Variants in ANXA8 observed in about 807,000 individuals in gnomAD.
ANXA8 encodes the protein annexin A8.
A neutral mutation model predicts 26.8 loss-of-function variants in ANXA8; 9 were observed. The observed-to-expected ratio is 0.34, with a 90% CI of 0.20 to 0.59. ANXA8 has a LOEUF of 0.59. Among genes scored for constraint, ANXA8 ranks in the 20% least tolerant of loss-of-function variants. The pLI is 0.84. For synonymous variants in ANXA8, 39 were observed against 94.8 expected, an observed-to-expected ratio of 0.41 and a Z score of 3.42; for missense variants, 83 against 238.5, an observed-to-expected ratio of 0.35 and a Z score of 4.29.
the ANXA8 span, among the ~76,000 whole-genome samples, chr10:47,743,339 T>TAC: frequency 0.055 from 3,181 of 58,040 alleles, 327 homozygotes; most frequent in African/African-American, 0.13. Flanking sequence ...CATATATATA[T>TAC]ACATATATAT....
the ANXA8 span, chr10:47,563,612 T>TA: frequency 2.3e-6 from 2 of 881,558 alleles, no homozygotes; most frequent in Non-Finnish European, 3.9e-6. Context: ...AGGTATCCGT[T>TA]ATAGCACTGA....
At chr10:47,928,750 C>CTT in the ANXA8 span, among the ~76,000 whole-genome samples, 1,737 of 102,348 alleles carry the variant, frequency 0.017, 6 homozygotes, top group African/African-American at 0.059. Flanking sequence ...CTCTCTCTCT[C>CTT]TTTTTTTTTT....
At chr10:47,701,840 A>T in the ANXA8 span, among the ~76,000 whole-genome samples, 4 of 151,902 alleles carry the variant, frequency 2.6e-5, no homozygotes, top group African/African-American at 9.7e-5. Context: ...AATGAACCCA[A>T]TATTGTTACA....
the ANXA8 span, among the ~76,000 whole-genome samples, chr10:47,492,195 G>A: frequency 6.6e-6 from 1 of 151,200 alleles, no homozygotes; most frequent in Non-Finnish European, 1.5e-5. Context: ...CCCCATTCCT[G>A]GAGACCCTGG....
the ANXA8 span, among the ~76,000 whole-genome samples, chr10:47,982,472 A>T: frequency 6.8e-6 from 1 of 147,184 alleles, no homozygotes; most frequent in Non-Finnish European, 1.5e-5. Context: ...CAAGAGGATT[A>T]AAAAAAAGCC....
chr10:47,699,227 G>A, the ANXA8 span, among the ~76,000 whole-genome samples: 1 of 148,400 alleles, frequency 6.7e-6, no homozygotes. Flanking sequence ...GCATGCCTGT[G>A]GTCCCAGCTA....
the ANXA8 span, among the ~76,000 whole-genome samples, chr10:47,932,422 G>A: frequency 1.3e-5 from 2 of 150,964 alleles, no homozygotes; most frequent in Non-Finnish European, 3.0e-5. Context: ...TCGGCTCATG[G>A]AATGGGGCTC....
chr10:47,533,095 C>T, the ANXA8 span, among the ~76,000 whole-genome samples: 1 of 145,498 alleles, frequency 6.9e-6, no homozygotes, highest in Non-Finnish European at 1.5e-5. Flanking sequence ...CTTAAGCCAG[C>T]TGAATGTACT....
At chr10:47,566,954 C>T in the ANXA8 span, among the ~76,000 whole-genome samples, 1 of 147,624 alleles carries the variant, frequency 6.8e-6, no homozygotes, top group South Asian at 2.2e-4. Context: ...TGTGCTGGCT[C>T]CACTGGGCGG....
chr10:47,649,960 C>T, the ANXA8 span, among the ~76,000 whole-genome samples: 2 of 151,018 alleles, frequency 1.3e-5, no homozygotes, highest in Non-Finnish European at 2.9e-5. Flanking sequence ...GTAATCCCAA[C>T]ACTTTGGGAG....
chr10:47,756,813 G>A, the ANXA8 span, among the ~76,000 whole-genome samples: 19 of 143,456 alleles, frequency 1.3e-4, no homozygotes, highest in African/African-American at 4.4e-4. Flanking sequence ...CCATTGAGTC[G>A]GGGGCTCTTC....
the ANXA8 span, among the ~76,000 whole-genome samples, chr10:47,950,770 T>C: frequency 6.6e-6 from 1 of 151,104 alleles, no homozygotes; most frequent in Non-Finnish European, 1.5e-5. Flanking sequence ...TATTTTAAAA[T>C]AATTTTTCCT....
At chr10:47,937,398 T>C in the ANXA8 span, among the ~76,000 whole-genome samples, 1 of 149,694 alleles carries the variant, frequency 6.7e-6, no homozygotes, top group South Asian at 2.1e-4. Flanking sequence ...GAGTCCATGG[T>C]TTTTTTAAAA....
intron 1 of ANXA8, among the ~76,000 whole-genome samples, chr10:47,480,925 T>C (rs1183946460): frequency 9.9e-5 from 13 of 131,908 alleles, no homozygotes; most frequent in African/African-American, 3.5e-4. Flanking sequence ...CTGGGTTAGA[T>C]TGTGAAAATA....
intron 1 of ANXA8, among the ~76,000 whole-genome samples, chr10:47,483,486 C>T (rs1386470535): frequency 2.2e-5 from 3 of 136,016 alleles, no homozygotes; most frequent in Admixed American, 7.2e-5. Flanking sequence ...GCTCCCTGCC[C>T]TCTGACCCTC....
the ANXA8 span, among the ~76,000 whole-genome samples, chr10:47,647,701 C>T: frequency 6.7e-6 from 1 of 148,370 alleles, no homozygotes; most frequent in East Asian, 1.9e-4. Context: ...GTCACTGAAG[C>T]AAAATATATA....
chr10:47,733,211 TTCTTTCTTTCTC>T, the ANXA8 span, among the ~76,000 whole-genome samples: 4 of 82,308 alleles, frequency 4.9e-5, no homozygotes, highest in Admixed American at 1.3e-4. Context: ...CTTTCTTTCT[TTCTTTCTTTCTC>T]TTTCTTTCTC....
At chr10:47,530,665 C>T in the ANXA8 span, among the ~76,000 whole-genome samples, 2 of 149,096 alleles carry the variant, frequency 1.3e-5, no homozygotes, top group Admixed American at 6.7e-5. Context: ...AGCACTCCAG[C>T]CTGGGTGACA....
chr10:47,953,373 G>A, the ANXA8 span, among the ~76,000 whole-genome samples: 8 of 150,532 alleles, frequency 5.3e-5, no homozygotes, highest in South Asian at 6.3e-4. Context: ...GAAATGTGAC[G>A]ACCCCTCACA....
Sources: allele counts gnomAD v4.1 joint callset (sites outside exome capture counted in the v4.1 genomes callset), GRCh38; gene constraint gnomAD v4.1.1; transcripts MANE v1.5; gene names NCBI Gene and HGNC (gene_info 2026-07-23, HGNC 2026-07-21).